PLOD1: variants seen among roughly 807,000 people sequenced by gnomAD.
PLOD1 encodes the protein lysine hydroxylase.
A neutral mutation model predicts 94.7 loss-of-function variants in PLOD1; 70 were observed. That is an observed-to-expected ratio of 0.74 (90% CI 0.61 to 0.90). PLOD1 has a LOEUF of 0.90. Ranked by LOEUF, PLOD1 falls within the 40% of genes least tolerant of loss-of-function variation. The pLI is 0.00. For synonymous variants in PLOD1, 417 were observed against 400.2 expected (o/e 1.04, Z -0.50); for missense variants, 905 against 972.7 (o/e 0.93, Z 0.93).
chr1:11,948,525 C>T (rs559804589), intron 2 of PLOD1, among the ~76,000 whole-genome samples: 10 of 152,178 alleles, frequency 6.6e-5, no homozygotes, highest in Non-Finnish European at 7.4e-5. Context: ...GTCAGGAGTT[C>T]GAGACCAGCC....
intron 1 of PLOD1, among the ~76,000 whole-genome samples, chr1:11,946,932 G>A (rs994365975): frequency 4.3e-4 from 66 of 152,298 alleles, no homozygotes; most frequent in African/African-American, 1.5e-3. Flanking sequence ...CACATGGTGA[G>A]AGCTGGAGCA....
At chr1:11,943,589 G>A (rs2100737414) in intron 1 of PLOD1, among the ~76,000 whole-genome samples, 1 of 152,262 alleles carries the variant, frequency 6.6e-6, no homozygotes, top group African/African-American at 2.4e-5. Flanking sequence ...GAGTCACCAC[G>A]CCTGGCCACG....
Position 11,953,608 on chromosome 1 carries a change from A to G in PLOD1, c.579+873A>G, listed in dbSNP as rs1268043589. ...GGAGTTTGAGACCAGCCTGGCCAAC[A>G]TGATGAAACCCTGTCTCTACTAAAA... On this transcript the variant is annotated intron_variant, in intron 5 of 18. Transcript: ENST00000196061. Among the ~76,000 whole-genome samples, 5 of 151,526 alleles carry G rather than the reference A, an allele frequency of 3.3e-5. No individual in the cohort carries two copies. The East Asian group carries it at 1.0e-3, about 31-fold the overall frequency.
intron 1 of PLOD1, 61 bp from the exon 2 acceptor site, chr1:11,947,915 C>T (rs1347555938): frequency 2.8e-6 from 3 of 1,082,614 alleles, no homozygotes; most frequent in South Asian, 1.2e-5. Context: ...GAACAAAGAC[C>T]TCCTCCCTGT....
At chr1:11,944,141 G>A (rs1332679961) in intron 1 of PLOD1, among the ~76,000 whole-genome samples, 2 of 152,006 alleles carry the variant, frequency 1.3e-5, no homozygotes, top group Non-Finnish European at 2.9e-5. Flanking sequence ...GCTGAGGCAT[G>A]AGAATCGCTT....
In PLOD1 at chr1:11,963,317, T is replaced by C. The variant is rs1394363265; in HGVS notation, c.1098-215T>C. ...CCAGTACCAGGATTTTCAGGGCACTTGATACCAGTTGCCAACCTCTGGGCC... is the reference window on the plus strand; with the variant it reads ...CCAGTACCAGGATTTTCAGGGCACTCGATACCAGTTGCCAACCTCTGGGCC... On this transcript the variant is annotated intron_variant, in intron 10 of 18. Coordinates refer to ENST00000196061, the MANE Select transcript of PLOD1 (RefSeq NM_000302.4). This position sits in a 1 kb window ranked among gnomAD's most constrained non-coding sequence, Gnocchi z 4.3. Among the ~76,000 whole-genome samples the C allele has an allele frequency of 6.6e-6, 1 of 152,218 alleles. No individual in the cohort carries two copies. Among genetic ancestry groups the C allele is most frequent in the African/African-American group, 2.4e-5 (1 of 41,458 alleles).
At chr1:11,950,548 G>A in intron 4 of PLOD1, 28 bp downstream of exon 4, 1 of 1,610,056 alleles carries the variant, frequency 6.2e-7, no homozygotes. Context: ...AGGGCGCTTG[G>A]CCCAGCAGAG....
In PLOD1 at chr1:11,972,661, C is replaced by G; in HGVS notation, c.1903-211C>G. 1 of 521,040 alleles carries G rather than the reference C, an allele frequency of 1.9e-6. No homozygotes were observed. Among genetic ancestry groups the G allele is most frequent in the Admixed American group, 2.9e-5 (1 of 33,932 alleles). The allele number at this position is 521,040 out of a possible 1,614,324, so 32.3% of individuals were successfully genotyped here. On this transcript the variant is annotated intron_variant, in intron 17 of 18. Transcript: ENST00000196061. The surrounding 1 kb of genome is among the most constrained non-coding windows in gnomAD (Gnocchi z 4.6). ...TTCCCCTCTGTTCTCTTCCTTCCCT[C>G]CCTCTCTCCCCTCTGTCCATACATT...
intron 5 of PLOD1, among the ~76,000 whole-genome samples, chr1:11,954,039 A>G: frequency 6.6e-6 from 1 of 151,026 alleles, no homozygotes; most frequent in Non-Finnish European, 1.5e-5. Context: ...TAATTTTAAG[A>G]TTTTTTTATA....
At position 11,965,576 on chromosome 1, in the gene PLOD1, G is replaced by T. The variant is rs1429074293; in HGVS notation, c.1567G>T (p.Val523Leu). The stretch of plus-strand genomic sequence containing the variant: ...CCACCTGCACAACGACCTCTGGGAG[G>T]TGTTCAGCAACCCCGAGGTGAGGCC... ...TTHLHNDLWEVFSNPEDWKEK... is the reference protein window; with the variant it reads ...TTHLHNDLWELFSNPEDWKEK... Residue 523 changes from valine (V) to leucine (L), a missense_variant, in exon 14 of 19, where the codon GTG becomes TTG. Val to Leu is a conservative substitution (Grantham distance 32). Transcript: ENST00000196061. 6.2e-7 allele frequency: 1 copy of T among 1,611,842 alleles called. No individual in the cohort carries two copies. The highest frequency in any genetic ancestry group is 2.2e-5 in the East Asian group (1 of 44,876).
At chr1:11,962,444 T>C (rs1371906626) in intron 10 of PLOD1, among the ~76,000 whole-genome samples, 1 of 151,586 alleles carries the variant, frequency 6.6e-6, no homozygotes, top group Non-Finnish European at 1.5e-5. Flanking sequence ...GCCCGGCTAA[T>C]TTTTTGTATT....
intron 1 of PLOD1, among the ~76,000 whole-genome samples, chr1:11,939,804 C>T (rs1370695848): frequency 2.0e-5 from 3 of 152,086 alleles, no homozygotes; most frequent in Non-Finnish European, 4.4e-5. Context: ...GATGGGGTTT[C>T]GCCATGTTGG....
chr1:11,938,026 C>T (rs1019886361), intron 1 of PLOD1, among the ~76,000 whole-genome samples: 7 of 151,190 alleles, frequency 4.6e-5, no homozygotes, highest in Admixed American at 3.3e-4. Flanking sequence ...GATCTCAGCG[C>T]ACTGCAGCCT....
In PLOD1 at chr1:11,970,777, G is replaced by A. The variant is rs912522044; in HGVS notation, c.1863G>A (p.Ala621=). The A allele has an allele frequency of 6.8e-6, 11 of 1,610,370 alleles. No individual in the cohort carries two copies. The highest frequency in any genetic ancestry group is 2.2e-5 in the East Asian group (1 of 44,638). ...EWHKFLLEYI[A]PMTEKLYPGY... ...ACAAATTCCTGCTGGAGTACATTGC[G>A]CCCATGACGGAGAAGCTCTACCCCG... Residue 621 remains alanine (A), a synonymous_variant, in exon 17 of 19, where the codon GCG becomes GCA. Transcript: ENST00000196061.
chr1:11,945,368 T>C (rs1008308672), intron 1 of PLOD1, among the ~76,000 whole-genome samples: 2 of 151,244 alleles, frequency 1.3e-5, no homozygotes, highest in Non-Finnish European at 2.9e-5. Flanking sequence ...CAGTGAGCCA[T>C]GAGCCATGAT....
chr1:11,957,259 G>T lies in PLOD1; in HGVS notation c.741+245G>T. On this transcript the variant is annotated intron_variant, in intron 7 of 18. Transcript: ENST00000196061. The surrounding 1 kb of genome is among the most constrained non-coding windows in gnomAD (Gnocchi z 4.1). Reference sequence around the variant, plus strand: ...GTAGGAGGCTGCCATCCCCTTCCAGGCCTAGGCTGGGCTACCAGAGCCATC... The same window carrying T: ...GTAGGAGGCTGCCATCCCCTTCCAGTCCTAGGCTGGGCTACCAGAGCCATC... The T allele has an allele frequency of 1.4e-6, 1 of 709,446 alleles. No individual in the cohort carries two copies. 43.9% of individuals were successfully genotyped at this position (709,446 alleles called of 1,614,324 possible). A position where few individuals can be genotyped will look rare whatever the true frequency, so the allele number is the denominator to read the frequency against.
Position 11,972,533 on chromosome 1 carries a change from G to A in PLOD1, c.1903-339G>A, listed in dbSNP as rs935552238. The stretch of plus-strand genomic sequence containing the variant: ...CTCCCAAAGTGCTGGAATTACAGGC[G>A]TGAGTACCATGTCCGGCCTCCTTCC... On this transcript the variant is annotated intron_variant, in intron 17 of 18. Coordinates refer to ENST00000196061, the MANE Select transcript of PLOD1 (RefSeq NM_000302.4). The surrounding 1 kb of genome is among the most constrained non-coding windows in gnomAD (Gnocchi z 4.6). 1.6e-5 allele frequency: 5 copies of A among 320,390 alleles called. No individual in the cohort carries two copies. Among genetic ancestry groups the A allele is most frequent in the African/African-American group, 6.4e-5 (3 of 46,614 alleles). The allele number at this position is 320,390 out of a possible 1,614,324, so 19.8% of individuals were successfully genotyped here. A position where few individuals can be genotyped will look rare whatever the true frequency, so the allele number is the denominator to read the frequency against.
At position 11,963,237 on chromosome 1, in the gene PLOD1, GC is replaced by G. The variant is rs1645791280; in HGVS notation, c.1098-291del. On this transcript the variant is annotated intron_variant, in intron 10 of 18. Coordinates refer to ENST00000196061, the MANE Select transcript of PLOD1 (RefSeq NM_000302.4). This position sits in a 1 kb window ranked among gnomAD's most constrained non-coding sequence, Gnocchi z 4.3. ...TACCAAATTGCATTTCAGAAAGGCA[GC>G]CCCAGCTTACTCCCCACCCTGGGCC... Among the ~76,000 whole-genome samples the G allele has an allele frequency of 6.6e-6, 1 of 152,126 alleles. No homozygotes were observed. Among genetic ancestry groups the G allele is most frequent in the Admixed American group, 6.5e-5 (1 of 15,270 alleles).
At position 11,958,262 on chromosome 1, in the gene PLOD1, G is replaced by A. The variant is rs568244629; in HGVS notation, c.844-254G>A. 2.1e-4 allele frequency among the ~76,000 whole-genome samples: 32 copies of A among 152,070 alleles called. No individual in the cohort carries two copies. Among genetic ancestry groups the A allele is most frequent in the African/African-American group, 7.7e-4 (32 of 41,484 alleles). On this transcript the variant is annotated intron_variant, in intron 8 of 18. Transcript: ENST00000196061. This position sits in a 1 kb window ranked among gnomAD's most constrained non-coding sequence, Gnocchi z 4.3. ...TCACCTCGAACACCACGCCAGCCAC[G>A]ATCTCCTGACAGCAGGCCCTCAACC...
Sources: allele counts gnomAD v4.1 joint callset (sites outside exome capture counted in the v4.1 genomes callset), GRCh38; gene constraint gnomAD v4.1.1; non-coding constraint Gnocchi (gnomAD v3.1); transcripts MANE v1.5; gene names NCBI Gene and HGNC (gene_info 2026-07-23, HGNC 2026-07-21).